Variants in CNOT6L observed in about 807,000 individuals in gnomAD.
CNOT6L encodes CCR4-NOT transcription complex subunit 6-like.
CNOT6L carries 7 observed loss-of-function variants against 64.0 expected under a neutral mutation model. The ratio of observed to expected loss-of-function variants is 0.11; its 90% CI spans 0.06 to 0.21. The LOEUF (loss-of-function observed/expected upper bound fraction) is 0.21. Among genes scored for constraint, CNOT6L ranks in the 10% least tolerant of loss-of-function variants. The pLI, the probability that CNOT6L is intolerant of heterozygous loss-of-function variation, is 1.00. For missense variants in CNOT6L, 245 were observed against 669.0 expected (o/e 0.37, Z 6.99); for synonymous variants, 193 against 243.4 (o/e 0.79, Z 1.93).
intron 1 of CNOT6L, among the ~76,000 whole-genome samples, chr4:77,813,503 T>C (rs1293129082): frequency 6.6e-6 from 1 of 151,868 alleles, no homozygotes; most frequent in Non-Finnish European, 1.5e-5. Context: ...TGGAGGAAAA[T>C]ATTTGCAAAT....
chr4:77,762,436 C>A (rs1220017365), intron 4 of CNOT6L, among the ~76,000 whole-genome samples: 2 of 152,044 alleles, frequency 1.3e-5, no homozygotes, highest in Non-Finnish European at 2.9e-5. Context: ...TGAATTTTGA[C>A]AAAGTTGCAA....
At chr4:77,726,413 T>C in intron 10 of CNOT6L, 44 bp from the exon 11 acceptor site, 1 of 1,477,620 alleles carries the variant, frequency 6.8e-7, no homozygotes, top group South Asian at 1.2e-5. Context: ...CATTTAGACC[T>C]TACACAAGGC....
At chr4:77,777,345 C>A (rs1049962492) in intron 1 of CNOT6L, among the ~76,000 whole-genome samples, 1 of 152,156 alleles carries the variant, frequency 6.6e-6, no homozygotes, top group African/African-American at 2.4e-5. Context: ...TTAGGCAATC[C>A]AAACGTTGTT....
intron 4 of CNOT6L, among the ~76,000 whole-genome samples, chr4:77,759,469 G>A (rs1308287478): frequency 6.6e-6 from 1 of 151,922 alleles, no homozygotes; most frequent in African/African-American, 2.4e-5. Flanking sequence ...GGAAGCTGAG[G>A]CAGGAGAATG....
chr4:77,795,814 A>G (rs1392562649), intron 1 of CNOT6L, among the ~76,000 whole-genome samples: 1 of 152,152 alleles, frequency 6.6e-6, no homozygotes, highest in Non-Finnish European at 1.5e-5. Flanking sequence ...ACTATAACAC[A>G]TTACTGAGAA....
chr4:77,755,326 C>T (rs1172845465), intron 5 of CNOT6L, among the ~76,000 whole-genome samples: 1 of 137,958 alleles, frequency 7.2e-6, no homozygotes, highest in Non-Finnish European at 1.5e-5. Flanking sequence ...AAGCGATTCT[C>T]CTGCCTCAAC....
At chr4:77,819,428 G>A (rs1282213124), upstream of CNOT6L, 4 of 1,589,586 alleles carry the variant, frequency 2.5e-6, no homozygotes, top group East Asian at 2.3e-5. Flanking sequence ...CAGAGCCGCG[G>A]CCGCAGACGC....
chr4:77,729,117 T>C, intron 9 of CNOT6L, 36 bp from the exon 10 acceptor site: 6 of 1,524,374 alleles, frequency 3.9e-6, no homozygotes, highest in Non-Finnish European at 5.4e-6. Flanking sequence ...GACAAAGTTA[T>C]GCTTTATGTT....
chr4:77,817,401 ATAAT>A (rs1199183237), intron 1 of CNOT6L, among the ~76,000 whole-genome samples: 3 of 152,214 alleles, frequency 2.0e-5, no homozygotes, highest in East Asian at 1.9e-4. Context: ...ATTGCTCTAA[ATAAT>A]TAATCATATT....
At chr4:77,811,861 G>T (rs10050214) in intron 1 of CNOT6L, among the ~76,000 whole-genome samples, 17,405 of 128,456 alleles carry the variant, frequency 0.14, 1,325 homozygotes, top group Non-Finnish European at 0.19. Context: ...GCCTTTCTCC[G>T]CAAGGAGCAG....
chr4:77,726,054 A>C, intron 11 of CNOT6L, 113 bp downstream of exon 11: 1 of 975,226 alleles, frequency 1.0e-6, no homozygotes, highest in Non-Finnish European at 1.6e-6. Flanking sequence ...AGACATTTTA[A>C]GAATCTAAAA....
chr4:77,781,382 T>C (rs1728839488), intron 1 of CNOT6L, among the ~76,000 whole-genome samples: 1 of 152,196 alleles, frequency 6.6e-6, no homozygotes, highest in Non-Finnish European at 1.5e-5. Context: ...ATATTTAATG[T>C]ATTTTAGGGG....
intron 6 of CNOT6L, 124 bp downstream of exon 6, chr4:77,748,192 A>C: frequency 1.4e-6 from 1 of 715,688 alleles, no homozygotes; most frequent in East Asian, 2.5e-5. Flanking sequence ...TCTATCCATC[A>C]GTATTTTTAA....
chr4:77,770,758 G>C (rs1159844482), intron 4 of CNOT6L, among the ~76,000 whole-genome samples: 1 of 152,158 alleles, frequency 6.6e-6, no homozygotes, highest in Non-Finnish European at 1.5e-5. Context: ...AGATTTTAAA[G>C]AACGTAAATC....
chr4:77,748,134 T>C (rs1724417510), intron 6 of CNOT6L, among the ~76,000 whole-genome samples, 182 bp downstream of exon 6: 1 of 152,204 alleles, frequency 6.6e-6, no homozygotes, highest in South Asian at 2.1e-4. Context: ...CTGTGAAAGA[T>C]ATAAGACACC....
intron 1 of CNOT6L, among the ~76,000 whole-genome samples, chr4:77,814,091 G>A (rs544098102): frequency 3.9e-5 from 6 of 152,186 alleles, no homozygotes; most frequent in Non-Finnish European, 7.4e-5. Flanking sequence ...CGGATGAACC[G>A]TGAAAACACG....
In CNOT6L at chr4:77,749,661, G is replaced by A. The variant is rs72864943; in HGVS notation, c.491-1277C>T. On this transcript the variant is annotated intron_variant, in intron 5 of 11. Coordinates refer to ENST00000504123, the MANE Select transcript of CNOT6L (RefSeq NM_144571.3). ...AAAGAGCCAAAAACATAATATGAGC[G>A]AATACTCTATCTCACTACTAACCAG... Among the ~76,000 whole-genome samples the A allele has an allele frequency of 5.8e-4, 88 of 152,160 alleles. 1 individual carries two copies. Among genetic ancestry groups the A allele is most frequent in the African/African-American group, 2.0e-3 (84 of 41,542 alleles).
chr4:77,715,619 T>C lies in CNOT6L; in HGVS notation c.*4812A>G, dbSNP rs1720662633. ...TAGGACCTGGGGTTTAATAGAGACA[T>C]TTACATAAAAAAGGTATTTGGTTAA... On this transcript the variant is annotated 3_prime_UTR_variant, in exon 12 of 12. Transcript: ENST00000504123. The C allele has an allele frequency of 6.6e-6, 1 of 152,394 alleles. No homozygotes were observed. The highest frequency in any genetic ancestry group is 1.5e-5 in the Non-Finnish European group (1 of 67,996). 9.4% of individuals were successfully genotyped at this position (152,394 alleles called of 1,614,324 possible). A position where few individuals can be genotyped will look rare whatever the true frequency, so the allele number is the denominator to read the frequency against.
At chr4:77,727,802 G>GT (rs1722036316) in intron 10 of CNOT6L, among the ~76,000 whole-genome samples, 1 of 152,152 alleles carries the variant, frequency 6.6e-6, no homozygotes, top group South Asian at 2.1e-4. Flanking sequence ...GGAGCATGTG[G>GT]TTAAAGTGCC....
Sources: gnomAD v4.1 joint callset for allele counts (sites outside exome capture counted in the v4.1 genomes callset) on GRCh38, gnomAD v4.1.1 for gene constraint, MANE v1.5 for transcripts, NCBI Gene and HGNC (gene_info 2026-07-23, HGNC 2026-07-21) for gene names.